Variants in LDLRAD3 observed in about 807,000 individuals in gnomAD.
LDLRAD3 encodes the protein low-density lipoprotein receptor class A domain-containing protein 3.
Under a neutral mutation model 29.4 loss-of-function variants are expected in LDLRAD3, and 20 were observed. The ratio of observed to expected loss-of-function variants is 0.68; its 90% CI spans 0.48 to 0.99. The LOEUF (loss-of-function observed/expected upper bound fraction) is 0.99. Among genes scored for constraint, LDLRAD3 ranks in the 50% least tolerant of loss-of-function variants. The pLI is 0.00. For missense variants in LDLRAD3, 420 were observed against 454.3 expected, an observed-to-expected ratio of 0.92 and a Z score of 0.69; for synonymous variants, 157 against 192.7, an observed-to-expected ratio of 0.81 and a Z score of 1.53.
intron 1 of LDLRAD3, among the ~76,000 whole-genome samples, chr11:36,028,271 G>A (rs1852192470): frequency 6.6e-6 from 1 of 152,206 alleles, no homozygotes; most frequent in African/African-American, 2.4e-5. Flanking sequence ...GCAGTCAATA[G>A]GCATTTGTGG....
intron 4 of LDLRAD3, among the ~76,000 whole-genome samples, chr11:36,146,310 A>G (rs1375921431): frequency 1.3e-5 from 2 of 152,338 alleles, no homozygotes; most frequent in East Asian, 3.9e-4. Context: ...CTTTTAGATA[A>G]TCCATCAGTG....
At chr11:36,227,596 G>T (rs1201314080) in intron 5 of LDLRAD3, among the ~76,000 whole-genome samples, 166 bp downstream of exon 5, 1 of 152,206 alleles carries the variant, frequency 6.6e-6, no homozygotes, top group Non-Finnish European at 1.5e-5. Context: ...TTCTCTACAT[G>T]TATCACCTCA....
At chr11:36,210,720 G>A (rs1035672591) in intron 4 of LDLRAD3, among the ~76,000 whole-genome samples, 2 of 152,174 alleles carry the variant, frequency 1.3e-5, no homozygotes, top group Non-Finnish European at 2.9e-5. Flanking sequence ...TGCACAGGCA[G>A]GCAGTATTGC....
chr11:36,044,467 C>T (rs1296986910), intron 2 of LDLRAD3, among the ~76,000 whole-genome samples: 3 of 152,176 alleles, frequency 2.0e-5, no homozygotes, highest in Non-Finnish European at 4.4e-5. Context: ...GTGACATTTC[C>T]TGGCCAGAGC....
At chr11:36,029,643 C>T (rs939613790) in intron 1 of LDLRAD3, among the ~76,000 whole-genome samples, 8 of 152,152 alleles carry the variant, frequency 5.3e-5, no homozygotes, top group East Asian at 1.9e-4. Context: ...AAATACAGCA[C>T]GAAAATAATT....
intron 1 of LDLRAD3, among the ~76,000 whole-genome samples, chr11:36,022,026 C>A (rs1242902213): frequency 1.3e-5 from 2 of 152,150 alleles, no homozygotes; most frequent in African/African-American, 2.4e-5. Context: ...TGATATTGAG[C>A]TGCCCCTGTT....
At chr11:36,001,758 C>CGTGTGTGTGT (rs3220787) in intron 1 of LDLRAD3, among the ~76,000 whole-genome samples, 4 of 148,324 alleles carry the variant, frequency 2.7e-5, no homozygotes, top group Non-Finnish European at 3.0e-5. Context: ...ATATTGTATA[C>CGTGTGTGTGT]GTGTGTGTGT....
At chr11:36,206,244 C>T (rs772275539) in intron 4 of LDLRAD3, among the ~76,000 whole-genome samples, 1 of 152,120 alleles carries the variant, frequency 6.6e-6, no homozygotes, top group Non-Finnish European at 1.5e-5. Flanking sequence ...TGGTCCTGAA[C>T]CCATCATTTA....
At chr11:36,112,807 A>C (rs1222525366) in intron 4 of LDLRAD3, among the ~76,000 whole-genome samples, 1 of 152,200 alleles carries the variant, frequency 6.6e-6, no homozygotes, top group Non-Finnish European at 1.5e-5. Flanking sequence ...CCATCCCCAA[A>C]AGAGAGATGG....
intron 1 of LDLRAD3, among the ~76,000 whole-genome samples, chr11:36,030,563 A>G (rs1852224025): frequency 6.6e-6 from 1 of 152,020 alleles, no homozygotes; most frequent in Non-Finnish European, 1.5e-5. Context: ...CAGTGGAAAG[A>G]GGTGGTTAAT....
intron 4 of LDLRAD3, among the ~76,000 whole-genome samples, chr11:36,130,090 G>A (rs1418680693): frequency 6.6e-6 from 1 of 152,216 alleles, no homozygotes; most frequent in African/African-American, 2.4e-5. Context: ...GCTTTTATCA[G>A]CTGAGACCCT....
intron 4 of LDLRAD3, among the ~76,000 whole-genome samples, chr11:36,155,376 C>A (rs992581985): frequency 2.6e-5 from 4 of 152,150 alleles, no homozygotes; most frequent in African/African-American, 9.7e-5. Context: ...AAATTATTTT[C>A]TTCCTTCTTG....
intron 4 of LDLRAD3, among the ~76,000 whole-genome samples, chr11:36,224,279 G>A (rs1294210626): frequency 1.3e-5 from 2 of 151,978 alleles, no homozygotes; most frequent in South Asian, 2.1e-4. Flanking sequence ...TTTCACAGAC[G>A]AGGAGGGTGA....
At chr11:36,103,177 A>G (rs147874702) in intron 4 of LDLRAD3, among the ~76,000 whole-genome samples, 346 of 150,976 alleles carry the variant, frequency 2.3e-3, no homozygotes, top group Middle Eastern at 0.01. Flanking sequence ...TTCTACTTCT[A>G]TCTTCATTAA....
At chr11:36,020,406 T>C (rs369981779) in intron 1 of LDLRAD3, among the ~76,000 whole-genome samples, 1 of 152,188 alleles carries the variant, frequency 6.6e-6, no homozygotes, top group East Asian at 1.9e-4. Context: ...ATAGGGACTG[T>C]CCACAAGATG....
intron 3 of LDLRAD3, among the ~76,000 whole-genome samples, chr11:36,096,389 A>G (rs1010372766): frequency 2.0e-5 from 3 of 152,080 alleles, no homozygotes; most frequent in African/African-American, 4.8e-5. Flanking sequence ...CTGTAGCAAC[A>G]TAGCAATCTT....
In LDLRAD3 at chr11:36,098,403, C is replaced by A; in HGVS notation, c.396C>A (p.Cys132Ter). The A allele has an allele frequency of 1.2e-6, 2 of 1,614,184 alleles. No homozygotes were observed. Among genetic ancestry groups the A allele is most frequent in the Non-Finnish European group, 1.7e-6 (2 of 1,180,012 alleles). The part of the protein sequence containing the change: ...NGLCIDKSFI[C>*]DGQNNCQDNS... ...TCTGTATTGACAAGAGCTTCATCTG[C>A]GATGGACAGAATAACTGTCAAGACA... Residue 132 changes from cysteine (C) to a stop codon, truncating the protein, a stop_gained, in exon 4 of 6, where the codon TGC becomes TGA. Coordinates refer to ENST00000315571, the MANE Select transcript of LDLRAD3 (RefSeq NM_174902.4). LOFTEE classifies it high-confidence loss of function.
At chr11:36,150,928 GTC>G (rs957357480) in intron 4 of LDLRAD3, among the ~76,000 whole-genome samples, 2 of 152,054 alleles carry the variant, frequency 1.3e-5, no homozygotes, top group Non-Finnish European at 2.9e-5. Flanking sequence ...AGTCCTGCTT[GTC>G]TTGCTGTCTG....
chr11:36,193,387 T>G (rs1464482123), intron 4 of LDLRAD3, among the ~76,000 whole-genome samples: 1 of 152,204 alleles, frequency 6.6e-6, no homozygotes, highest in Non-Finnish European at 1.5e-5. Context: ...CTTTCTGCTG[T>G]AGCTCATCCT....
Sources: gnomAD v4.1 joint callset for allele counts (sites outside exome capture counted in the v4.1 genomes callset) on GRCh38, gnomAD v4.1.1 for gene constraint, MANE v1.5 for transcripts, NCBI Gene and HGNC (gene_info 2026-07-23, HGNC 2026-07-21) for gene names.